CNTN5: variants seen among roughly 807,000 people sequenced by gnomAD.
CNTN5 encodes contactin-5.
In CNTN5, 77 loss-of-function variants were observed where a neutral mutation model predicts 129.1. The observed-to-expected ratio is 0.60, with a 90% CI of 0.50 to 0.72. CNTN5 has a LOEUF of 0.72. CNTN5 is among the 30% of genes least tolerant of loss of function. CNTN5 has a pLI of 0.00. For missense variants in CNTN5, 1,478 were observed against 1,328.8 expected (o/e 1.11, Z -1.75); for synonymous variants, 509 against 465.6 (o/e 1.09, Z -1.20).
chr11:99,238,732 C>A (rs1440195916), intron 1 of CNTN5, among the ~76,000 whole-genome samples: 1 of 151,988 alleles, frequency 6.6e-6, no homozygotes, highest in South Asian at 2.1e-4. Flanking sequence ...TAAAATTGAT[C>A]ATAAATGTAT....
intron 3 of CNTN5, among the ~76,000 whole-genome samples, chr11:99,631,421 A>C (rs1354299052): frequency 2.0e-5 from 3 of 152,072 alleles, no homozygotes; most frequent in Non-Finnish European, 2.9e-5. Context: ...GAATTAGTAA[A>C]GAACGAAATC....
At chr11:100,192,355 G>C (rs1452574) in intron 14 of CNTN5, among the ~76,000 whole-genome samples, 3 of 151,794 alleles carry the variant, frequency 2.0e-5, no homozygotes, top group African/African-American at 7.3e-5. Flanking sequence ...TCTCTGATGA[G>C]GCCAGAACTT....
intron 13 of CNTN5, among the ~76,000 whole-genome samples, chr11:100,112,568 T>G (rs1945690777): frequency 6.6e-6 from 1 of 152,106 alleles, no homozygotes; most frequent in African/African-American, 2.4e-5. Context: ...AGAGATACGG[T>G]AGGGTGCTTG....
At chr11:99,664,386 T>C (rs1242747189) in intron 3 of CNTN5, among the ~76,000 whole-genome samples, 1 of 152,058 alleles carries the variant, frequency 6.6e-6, no homozygotes, top group Non-Finnish European at 1.5e-5. Flanking sequence ...GTTGTGGTGA[T>C]TTTCTTTCCC....
chr11:99,177,401 A>C (rs921576290), intron 1 of CNTN5, among the ~76,000 whole-genome samples: 1 of 152,228 alleles, frequency 6.6e-6, no homozygotes, highest in Non-Finnish European at 1.5e-5. Context: ...TGAGTGAATA[A>C]ATGAATGAGT....
At chr11:100,293,770 T>C (rs1311896589) in intron 18 of CNTN5, among the ~76,000 whole-genome samples, 1 of 151,750 alleles carries the variant, frequency 6.6e-6, no homozygotes, top group African/African-American at 2.4e-5. Context: ...TTACCGTTTG[T>C]ACATACCACT....
intron 2 of CNTN5, among the ~76,000 whole-genome samples, chr11:99,469,222 A>G (rs904070709): frequency 5.3e-5 from 8 of 152,200 alleles, no homozygotes; most frequent in African/African-American, 1.9e-4. Context: ...AAAATAGCGA[A>G]TTTCTATGGA....
At chr11:100,198,633 G>A (rs747856733) in intron 15 of CNTN5, among the ~76,000 whole-genome samples, 17 of 151,994 alleles carry the variant, frequency 1.1e-4, no homozygotes, top group Admixed American at 2.6e-4. Context: ...GGCTGGTACC[G>A]GAAGTCTCTT....
intron 18 of CNTN5, among the ~76,000 whole-genome samples, chr11:100,283,743 C>T (rs916865623): frequency 2.0e-5 from 3 of 151,948 alleles, no homozygotes; most frequent in African/African-American, 4.8e-5. Flanking sequence ...GTCAGGAGTT[C>T]GAGACCAGCC....
intron 6 of CNTN5, among the ~76,000 whole-genome samples, chr11:99,903,142 A>G (rs1949403072): frequency 6.6e-6 from 1 of 152,076 alleles, no homozygotes; most frequent in Admixed American, 6.5e-5. Context: ...TTACTTCTTC[A>G]GGTACTTGAT....
chr11:99,207,988 C>T (rs552675092), intron 1 of CNTN5, among the ~76,000 whole-genome samples: 3 of 152,224 alleles, frequency 2.0e-5, no homozygotes, highest in Non-Finnish European at 2.9e-5. Context: ...AATTAAATCT[C>T]GGCTTAGTTT....
intron 1 of CNTN5, among the ~76,000 whole-genome samples, chr11:99,103,407 A>C (rs1040960572): frequency 3.1e-4 from 47 of 152,110 alleles, no homozygotes; most frequent in Non-Finnish European, 4.3e-4. Flanking sequence ...CCTTTCCTTT[A>C]CATCTTTTTC....
intron 16 of CNTN5, among the ~76,000 whole-genome samples, chr11:100,230,956 C>T (rs912418459): frequency 1.3e-5 from 2 of 152,180 alleles, no homozygotes; most frequent in African/African-American, 4.8e-5. Flanking sequence ...CACATCCATC[C>T]TAATATAAAA....
At chr11:99,089,241 A>G (rs1866133624) in intron 1 of CNTN5, among the ~76,000 whole-genome samples, 1 of 152,118 alleles carries the variant, frequency 6.6e-6, no homozygotes, top group Admixed American at 6.6e-5. Context: ...TATTTTATAA[A>G]CAATTATATT....
chr11:99,180,258 G>C (rs1024151648), intron 1 of CNTN5, among the ~76,000 whole-genome samples: 1 of 152,132 alleles, frequency 6.6e-6, no homozygotes, highest in African/African-American at 2.4e-5. Context: ...ATTGCAATGG[G>C]AAAGGGAGAA....
At chr11:100,096,040 A>T (rs1944998201) in intron 13 of CNTN5, among the ~76,000 whole-genome samples, 2 of 152,072 alleles carry the variant, frequency 1.3e-5, no homozygotes, top group African/African-American at 2.4e-5. Flanking sequence ...CAGGGCCGAT[A>T]TCATGGTCTG....
At chr11:99,029,101 ATATC>A (rs1863237968) in intron 1 of CNTN5, among the ~76,000 whole-genome samples, 1 of 151,630 alleles carries the variant, frequency 6.6e-6, no homozygotes, top group South Asian at 2.1e-4. Flanking sequence ...ACAAGAAAAA[ATATC>A]TACTTTTCAA....
At chr11:99,077,415 C>T (rs1292992744) in intron 1 of CNTN5, among the ~76,000 whole-genome samples, 1 of 152,152 alleles carries the variant, frequency 6.6e-6, no homozygotes, top group East Asian at 1.9e-4. Flanking sequence ...TTAGCCTCCA[C>T]ACATTAAGCA....
intron 2 of CNTN5, among the ~76,000 whole-genome samples, chr11:99,494,363 C>A (rs1946147661): frequency 2.0e-5 from 3 of 152,110 alleles, no homozygotes; most frequent in African/African-American, 7.2e-5. Context: ...AGATTTAATC[C>A]TAAAATATAT....
Sources: gnomAD v4.1 joint callset for allele counts (sites outside exome capture counted in the v4.1 genomes callset) on GRCh38, gnomAD v4.1.1 for gene constraint, MANE v1.5 for transcripts, NCBI Gene and HGNC (gene_info 2026-07-23, HGNC 2026-07-21) for gene names.